The following NAA11 variants were observed in gnomAD, a reference collection of about 807,000 sequenced individuals.
The protein encoded by NAA11 is N-alpha-acetyltransferase 11, NatA catalytic subunit.
In NAA11, 15 loss-of-function variants were observed where a neutral mutation model predicts 16.1. The ratio of observed to expected loss-of-function variants is 0.93; its 90% CI spans 0.62 to 1.44. The LOEUF is 1.44. NAA11 is among the 40% of genes most tolerant of loss of function. The pLI, the probability that NAA11 is intolerant of heterozygous loss-of-function variation, is 0.00. For synonymous variants in NAA11, 122 were observed against 112.4 expected, an observed-to-expected ratio of 1.09 and a Z score of -0.54; for missense variants, 298 against 291.3, an observed-to-expected ratio of 1.02 and a Z score of -0.17.
At chr4:79,314,641 T>TAAAAAAAAAAAAAAAAAAA (rs375245497), downstream of NAA11, among the ~76,000 whole-genome samples, 73 of 98,054 alleles carry the variant, frequency 7.4e-4, 2 homozygotes, top group African/African-American at 2.5e-3. Context: ...TCCTTAAAAT[T>TAAAAAAAAAAAAAAAAAAA]AAAAAAAAAA....
chr4:79,325,176 C>CT lies in NAA11; in HGVS notation c.*11dup, dbSNP rs1724222947. The CT allele has an allele frequency of 6.3e-7, 1 of 1,592,178 alleles. No homozygotes were observed. The highest frequency in any genetic ancestry group is 1.8e-5 in the Admixed American group (1 of 56,408). The stretch of plus-strand genomic sequence containing the variant: ...TACTGGGTCAGGGAAGACAGAATAC[C>CT]TTAAGCATGCTCTAGGAGGTGGAAT... On this transcript the variant is annotated splice_region_variant and 3_prime_UTR_variant, in exon 1 of 2. Coordinates refer to ENST00000286794, the MANE Select transcript of NAA11 (RefSeq NM_032693.3).
At chr4:79,194,971 C>G in the NAA11 span, among the ~76,000 whole-genome samples, 1 of 152,052 alleles carries the variant, frequency 6.6e-6, no homozygotes, top group Non-Finnish European at 1.5e-5. Context: ...GGACTCCACT[C>G]TGCTGTCCTG....
intron 2 of NAA11, among the ~76,000 whole-genome samples, chr4:79,255,445 T>A (rs1334973951): frequency 6.6e-6 from 1 of 152,192 alleles, no homozygotes; most frequent in Non-Finnish European, 1.5e-5. Flanking sequence ...GATATTAATA[T>A]CAGTATTCTA....
intron 2 of NAA11, among the ~76,000 whole-genome samples, chr4:79,280,615 T>A (rs1294324595): frequency 6.6e-6 from 1 of 152,008 alleles, no homozygotes; most frequent in African/African-American, 2.4e-5. Flanking sequence ...CTATTAAGTT[T>A]TTGAGAGTCA....
chr4:79,199,271 T>A, the NAA11 span, among the ~76,000 whole-genome samples: 1 of 151,904 alleles, frequency 6.6e-6, no homozygotes, highest in Non-Finnish European at 1.5e-5. Flanking sequence ...CTTAAGCAGT[T>A]TAAATGTGAA....
chr4:79,199,304 A>C, the NAA11 span, among the ~76,000 whole-genome samples: 1 of 151,916 alleles, frequency 6.6e-6, no homozygotes, highest in African/African-American at 2.4e-5. Flanking sequence ...TAGTCCAAGC[A>C]AGGCTGGCAA....
chr4:79,268,365 G>A (rs551469287), intron 2 of NAA11, among the ~76,000 whole-genome samples: 1 of 152,234 alleles, frequency 6.6e-6, no homozygotes, highest in South Asian at 2.1e-4. Flanking sequence ...ACTTTAGTAT[G>A]AATGAAAGAT....
chr4:79,232,416 A>T (rs1238602865), intron 2 of NAA11, among the ~76,000 whole-genome samples: 1 of 151,948 alleles, frequency 6.6e-6, no homozygotes, highest in Non-Finnish European at 1.5e-5. Context: ...AATGCCTTCC[A>T]TAACAACCCA....
At chr4:79,220,437 CTGTG>C in the NAA11 span, among the ~76,000 whole-genome samples, 16,560 of 142,940 alleles carry the variant, frequency 0.12, 1,040 homozygotes, top group African/African-American at 0.17. Context: ...GTGTGTGTGT[CTGTG>C]TGTGTGTGTG....
At chr4:79,321,037 C>T (rs1039614047) in intron 1 of NAA11, among the ~76,000 whole-genome samples, 4 of 152,072 alleles carry the variant, frequency 2.6e-5, no homozygotes, top group African/African-American at 9.7e-5. Flanking sequence ...GTCATTTGTC[C>T]CAGGTTTAAT....
intron 1 of NAA11, among the ~76,000 whole-genome samples, chr4:79,300,384 T>TG (rs1235934222): frequency 1.3e-5 from 2 of 151,918 alleles, no homozygotes; most frequent in Non-Finnish European, 2.9e-5. Flanking sequence ...CCCCACAATA[T>TG]GGCCCCCCTA....
chr4:79,257,043 T>C (rs541047632), intron 2 of NAA11, among the ~76,000 whole-genome samples: 1 of 152,344 alleles, frequency 6.6e-6, no homozygotes, highest in South Asian at 2.1e-4. Context: ...CACAAAATAC[T>C]ATCATTTCAA....
At chr4:79,182,581 T>G in the NAA11 span, among the ~76,000 whole-genome samples, 1 of 152,162 alleles carries the variant, frequency 6.6e-6, no homozygotes, top group Admixed American at 6.5e-5. Flanking sequence ...AGTAGTGTCT[T>G]TTTTTTAAGA....
At chr4:79,216,173 G>C in the NAA11 span, among the ~76,000 whole-genome samples, 1 of 152,018 alleles carries the variant, frequency 6.6e-6, no homozygotes, top group Non-Finnish European at 1.5e-5. Context: ...TAGGAGATAA[G>C]TGAACAAAAA....
At position 79,325,184 on chromosome 4, in the gene NAA11, T is replaced by C. The variant is rs1380298401; in HGVS notation, c.*4A>G. On this transcript the variant is annotated 3_prime_UTR_variant, in exon 1 of 2. Coordinates refer to ENST00000286794, the MANE Select transcript of NAA11 (RefSeq NM_032693.3). ...CAGGGAAGACAGAATACCTTAAGCA[T>C]GCTCTAGGAGGTGGAATCCGAGCTT... is the stretch of plus-strand genomic sequence containing the variant. 3.1e-6 allele frequency: 5 copies of C among 1,600,448 alleles called. No individual in the cohort carries two copies. In the Admixed American group the frequency reaches 6.9e-5, roughly 22 times the overall value.
chr4:79,253,053 T>G (rs554795066), intron 2 of NAA11, among the ~76,000 whole-genome samples: 1 of 152,208 alleles, frequency 6.6e-6, no homozygotes, highest in African/African-American at 2.4e-5. Context: ...TAGCCAAACA[T>G]GGAATATATT....
chr4:79,306,912 T>C (rs1258561921), intron 1 of NAA11, among the ~76,000 whole-genome samples: 1 of 152,216 alleles, frequency 6.6e-6, no homozygotes, highest in Non-Finnish European at 1.5e-5. Context: ...TGATCAAGTT[T>C]TGTATAGCTA....
intron 2 of NAA11, among the ~76,000 whole-genome samples, chr4:79,292,719 C>A (rs371772233): frequency 1.3e-5 from 2 of 152,188 alleles, no homozygotes; most frequent in African/African-American, 4.8e-5. Flanking sequence ...TTACTCAGTA[C>A]AAAGGAATAT....
At chr4:79,286,129 G>T (rs1301465068) in intron 2 of NAA11, among the ~76,000 whole-genome samples, 2 of 151,930 alleles carry the variant, frequency 1.3e-5, no homozygotes, top group African/African-American at 2.4e-5. Flanking sequence ...AACATATGTT[G>T]CTCATTTTCT....
Sources: gnomAD v4.1 joint callset for allele counts (sites outside exome capture counted in the v4.1 genomes callset) on GRCh38, gnomAD v4.1.1 for gene constraint, MANE v1.5 for transcripts, NCBI Gene and HGNC (gene_info 2026-07-23, HGNC 2026-07-21) for gene names.